Variants in RAB3IP observed in about 807,000 individuals in gnomAD.
The protein encoded by RAB3IP is RAB3A interacting protein, also known as rab-3A-interacting protein.
A neutral mutation model predicts 59.1 loss-of-function variants in RAB3IP; 36 were observed. That is an observed-to-expected ratio of 0.61 (90% CI 0.47 to 0.80). The LOEUF is 0.80. Ranked by LOEUF, RAB3IP falls within the 30% of genes least tolerant of loss-of-function variation. RAB3IP has a pLI of 0.00. For missense variants in RAB3IP, 511 were observed against 536.0 expected (o/e 0.95, Z 0.46); for synonymous variants, 207 against 191.2 (o/e 1.08, Z -0.68).
chr12:69,755,797 A>T, intron 2 of RAB3IP, 138 bp downstream of exon 2: 1 of 697,448 alleles, frequency 1.4e-6, no homozygotes, highest in South Asian at 2.0e-5. Context: ...TGACCTGATA[A>T]TGTTCTAGAA....
intron 1 of RAB3IP, among the ~76,000 whole-genome samples, chr12:69,746,750 T>C (rs959296527): frequency 2.0e-5 from 3 of 152,242 alleles, no homozygotes; most frequent in Admixed American, 1.3e-4. Flanking sequence ...ATGGAATTTA[T>C]AACAGTTCAA....
Position 69,812,546 on chromosome 12 carries a change from A to G in RAB3IP, c.1131-232A>G, listed in dbSNP as rs149237736. ...TGGAAAACACCTAGTTTCTGTTTCT[A>G]GAATCATGGTTAATGTTATGGCATT... On this transcript the variant is annotated intron_variant, in intron 8 of 10. Transcript: ENST00000247833. 393 of 415,892 alleles carry G rather than the reference A, an allele frequency of 9.4e-4. 1 individual carries two copies. The highest frequency in any genetic ancestry group is 7.6e-3 in the African/African-American group (369 of 48,834). The allele number at this position is 415,892 out of a possible 1,614,324, so 25.8% of individuals were successfully genotyped here.
intron 8 of RAB3IP, among the ~76,000 whole-genome samples, chr12:69,804,275 G>A (rs1272911451): frequency 6.6e-6 from 1 of 152,150 alleles, no homozygotes; most frequent in Non-Finnish European, 1.5e-5. Context: ...TTTCATGTGT[G>A]TTTTGGCTAC....
In RAB3IP at chr12:69,792,789, C is replaced by CT. The variant is rs548704569; in HGVS notation, c.607-1647dup. 2.6e-3 allele frequency among the ~76,000 whole-genome samples: 399 copies of CT among 152,286 alleles called. 5 individuals are homozygous for CT. The highest frequency in any genetic ancestry group is 8.1e-3 in the African/African-American group (338 of 41,560). The stretch of plus-strand genomic sequence containing the variant: ...AAGTCACCTAAAATTTCACATTACT[C>CT]TAAGTTTACTTCACTATTTTGTTCT... On this transcript the variant is annotated intron_variant, in intron 4 of 10. Transcript: ENST00000247833.
intron 1 of RAB3IP, among the ~76,000 whole-genome samples, chr12:69,741,667 G>C (rs1887358329): frequency 6.6e-6 from 1 of 152,204 alleles, no homozygotes; most frequent in African/African-American, 2.4e-5. Context: ...AGAAAATTGA[G>C]ACCCTGAGAC....
intron 8 of RAB3IP, among the ~76,000 whole-genome samples, chr12:69,811,321 A>G (rs143521464): frequency 1.1e-3 from 166 of 152,290 alleles, no homozygotes; most frequent in African/African-American, 3.9e-3. Flanking sequence ...AATAATATAT[A>G]CAACAAACCC....
chr12:69,749,289 T>G (rs1440984199), intron 1 of RAB3IP, among the ~76,000 whole-genome samples: 1 of 152,198 alleles, frequency 6.6e-6, no homozygotes, highest in South Asian at 2.1e-4. Flanking sequence ...GGTTGCATGC[T>G]TCTTAAGAGA....
chr12:69,810,680 T>A (rs932452082), intron 8 of RAB3IP, among the ~76,000 whole-genome samples: 2 of 151,204 alleles, frequency 1.3e-5, no homozygotes, highest in African/African-American at 4.9e-5. Flanking sequence ...GAAAGAAAAG[T>A]TAGATTGGGG....
chr12:69,814,568 G>A (rs1852745728), intron 10 of RAB3IP, among the ~76,000 whole-genome samples: 1 of 151,926 alleles, frequency 6.6e-6, no homozygotes, highest in African/African-American at 2.4e-5. Context: ...AGCATCCCTA[G>A]CTTTTACTCA....
chr12:69,756,693 A>G (rs759996412), intron 3 of RAB3IP, 30 bp downstream of exon 3: 2 of 1,561,014 alleles, frequency 1.3e-6, no homozygotes, highest in African/African-American at 1.4e-5. Flanking sequence ...ATTCTTCCAT[A>G]TATTATATTA....
Position 69,818,100 on chromosome 12 carries a change from T to C in RAB3IP, c.*2654T>C, listed in dbSNP as rs1881328992. ...TTGGAGAGGGTTTTAGTCATTAGGA[T>C]CACTCACATATTGCTGATGGGGGTA... On this transcript the variant is annotated 3_prime_UTR_variant, in exon 11 of 11. Transcript: ENST00000247833. 5 of 152,216 alleles carry C rather than the reference T, an allele frequency of 3.3e-5. No homozygotes were observed. Among genetic ancestry groups the C allele is most frequent in the Admixed American group, 3.3e-4 (5 of 15,282 alleles). The allele number at this position is 152,216 out of a possible 1,614,324, so 9.4% of individuals were successfully genotyped here. A position where few individuals can be genotyped will look rare whatever the true frequency, so the allele number is the denominator to read the frequency against.
chr12:69,761,662 G>C (rs146604948), intron 3 of RAB3IP, among the ~76,000 whole-genome samples: 34 of 152,230 alleles, frequency 2.2e-4, no homozygotes, highest in Admixed American at 2.0e-3. Context: ...ATTATATCTT[G>C]AGCATATAAT....
chr12:69,775,891 C>T (rs1237211925), intron 3 of RAB3IP, among the ~76,000 whole-genome samples: 1 of 116,618 alleles, frequency 8.6e-6, no homozygotes, highest in Non-Finnish European at 1.8e-5. Flanking sequence ...GATTGTGTCT[C>T]TGCCCGGCTT....
At chr12:69,780,464 G>A (rs1448517760) in intron 3 of RAB3IP, among the ~76,000 whole-genome samples, 1 of 152,128 alleles carries the variant, frequency 6.6e-6, no homozygotes, top group Non-Finnish European at 1.5e-5. Flanking sequence ...GGTAGCCCAG[G>A]CAGGCAAGCT....
intron 3 of RAB3IP, among the ~76,000 whole-genome samples, chr12:69,782,134 G>T (rs1322155119): frequency 6.6e-6 from 1 of 152,088 alleles, no homozygotes; most frequent in Admixed American, 6.5e-5. Flanking sequence ...GGCCATTCTA[G>T]TAGGTATGCA....
At chr12:69,782,809 G>GTTTTGTTTTT (rs1369095931) in intron 3 of RAB3IP, among the ~76,000 whole-genome samples, 1 of 150,290 alleles carries the variant, frequency 6.7e-6, no homozygotes, top group Non-Finnish European at 1.5e-5. Context: ...CAGTTTTTTT[G>GTTTTGTTTTT]TTTTGTTTTT....
Position 69,821,864 on chromosome 12 carries a change from G to C in RAB3IP, c.*6418G>C, listed in dbSNP as rs1488161913. On this transcript the variant is annotated 3_prime_UTR_variant, in exon 11 of 11. Coordinates refer to ENST00000247833, the MANE Select transcript of RAB3IP (RefSeq NM_022456.5). ...CCTGGATTGTCTCCCTGACACCAAGGCTAAGGGACCCACTTTACTCACTTA... is the reference window on the plus strand; with the variant it reads ...CCTGGATTGTCTCCCTGACACCAAGCCTAAGGGACCCACTTTACTCACTTA... 1.3e-5 allele frequency: 2 copies of C among 152,174 alleles called. No homozygotes were observed. The highest frequency in any genetic ancestry group is 2.9e-5 in the Non-Finnish European group (2 of 68,052). 9.4% of individuals were successfully genotyped at this position (152,174 alleles called of 1,614,324 possible). A position where few individuals can be genotyped will look rare whatever the true frequency, so the allele number is the denominator to read the frequency against.
chr12:69,738,680 C>T (rs773173349), upstream of RAB3IP: 3 of 152,152 alleles, frequency 2.0e-5, no homozygotes, highest in African/African-American at 7.2e-5. Context: ...GGAGGAACCT[C>T]GGGCCAGGGC....
In RAB3IP at chr12:69,804,638, T is replaced by G. The variant is rs538120203; in HGVS notation, c.1130+2917T>G. On this transcript the variant is annotated intron_variant, in intron 8 of 10. Transcript: ENST00000247833. ...GTTTTTATAGTTTTAGGTCTAACAT[T>G]TAAGTCTTTAATCCATCTTGAATTA... Among the ~76,000 whole-genome samples the G allele has an allele frequency of 5.6e-4, 85 of 152,334 alleles. 1 individual carries two copies. The highest frequency in any genetic ancestry group is 2.5e-3 in the South Asian group (12 of 4,824).
Sources: gnomAD v4.1 joint callset for allele counts (sites outside exome capture counted in the v4.1 genomes callset) on GRCh38, gnomAD v4.1.1 for gene constraint, MANE v1.5 for transcripts, NCBI Gene and HGNC (gene_info 2026-07-23, HGNC 2026-07-21) for gene names.